Variants in CARMIL3 observed in about 807,000 individuals in gnomAD.
CARMIL3 encodes capping protein, Arp2/3 and myosin-I linker protein 3.
CARMIL3 carries 88 observed loss-of-function variants against 180.8 expected under a neutral mutation model. That is an observed-to-expected ratio of 0.49 (90% CI 0.41 to 0.58). The LOEUF (loss-of-function observed/expected upper bound fraction) is 0.58. CARMIL3 is among the 20% of genes least tolerant of loss of function. The pLI, the probability that CARMIL3 is intolerant of heterozygous loss-of-function variation, is 0.00. For missense variants in CARMIL3, 1,548 were observed against 1,787.0 expected, an observed-to-expected ratio of 0.87 and a Z score of 2.41; for synonymous variants, 696 against 714.5, an observed-to-expected ratio of 0.97 and a Z score of 0.41.
chr14:24,062,618 CAT>C (rs2035743338), intron 28 of CARMIL3, 51 bp downstream of exon 28: 2 of 1,613,424 alleles, frequency 1.2e-6, no homozygotes, highest in Non-Finnish European at 1.7e-6. Flanking sequence ...CTCCACCCCA[CAT>C]TATCCTGTCT....
Position 24,061,588 on chromosome 14 carries a change from T to A in CARMIL3, c.2396T>A (p.Val799Glu). The change falls in exon 27 of 40, where the codon GTG (valine) becomes GAG (glutamate). Residue 799 changes from valine (V) to glutamate (E), a missense_variant. Physicochemically the swap from Val to Glu is moderately radical, Grantham distance 121. Around this residue, in one of 4 missense-constraint regions of CARMIL3, gnomAD observed 297 missense variants for 415.9 expected, o/e 0.71. Coordinates refer to ENST00000342740, the MANE Select transcript of CARMIL3 (RefSeq NM_138360.4). The surrounding 1 kb of genome is among the most constrained non-coding windows in gnomAD (Gnocchi z 4.1). ...AEGHNKMLSN[V>E]AERVTVPRNF... ...GGACACAACAAGATGCTGAGCAATG[T>A]GGCGGAGCGTGTCACTGTGCCCCGG... 1 of 1,614,026 alleles carries A rather than the reference T, an allele frequency of 6.2e-7. No homozygotes were observed. Among genetic ancestry groups the A allele is most frequent in the Non-Finnish European group, 8.5e-7 (1 of 1,179,990 alleles).
rs1006813790 is a variant in CARMIL3, at chr14:24,058,601, G to A, written c.1393-79G>A. ...CTGGCATGACTTTGAGTTCTGGTGT[G>A]ACTACTATATCCTAAGCATTAAAGG... On this transcript the variant is annotated intron_variant, in intron 17 of 39. Coordinates refer to ENST00000342740, the MANE Select transcript of CARMIL3 (RefSeq NM_138360.4). The surrounding 1 kb of genome is among the most constrained non-coding windows in gnomAD (Gnocchi z 6.4). The A allele has an allele frequency of 3.5e-6, 4 of 1,131,166 alleles. No individual in the cohort carries two copies. The highest frequency in any genetic ancestry group is 5.2e-6 in the Non-Finnish European group (4 of 773,442). The allele number at this position is 1,131,166 out of a possible 1,614,324, so 70.1% of individuals were successfully genotyped here.
chr14:24,055,406 C>T (rs1431404127), intron 8 of CARMIL3, 96 bp downstream of exon 8: 1 of 1,500,800 alleles, frequency 6.7e-7, no homozygotes, highest in Non-Finnish European at 9.3e-7. Context: ...ACAGCCCCAG[C>T]TCTATCTCCC....
rs1315151742 is a variant in CARMIL3, at chr14:24,060,054, C to T, written c.1953C>T (p.Val651=). ...GCGCGCCTGAGCGCACCGAGGACGT[C>T]TGGCAGAAGGTGCAGGGTGCTGTCC... The part of the protein sequence containing the change: ...YRSAPERTED[V]WQKIQWCLVR... Residue 651 remains valine, a synonymous_variant, in exon 23 of 40, where the codon GTC becomes GTT. Coordinates refer to ENST00000342740, the MANE Select transcript of CARMIL3 (RefSeq NM_138360.4). 6.2e-7 allele frequency: 1 copy of T among 1,613,976 alleles called. No individual in the cohort carries two copies. The highest frequency in any genetic ancestry group is 1.1e-5 in the South Asian group (1 of 91,092).
chr14:24,053,817 G>T lies in CARMIL3; in HGVS notation c.135+14G>T, dbSNP rs973668124. On this transcript the variant is annotated intron_variant, in intron 2 of 39. Transcript: ENST00000342740. ...GACCGAGTGCTGGTGAGGGCACTGG[G>T]CATGTGGGGAGGGAGGAGGTGGCTG... 2 of 1,603,840 alleles carry T rather than the reference G, an allele frequency of 1.2e-6. No homozygotes were observed. Among genetic ancestry groups the T allele is most frequent in the Non-Finnish European group, 1.7e-6 (2 of 1,173,924 alleles).
At chr14:24,066,750 G>A (rs2035791378) in intron 36 of CARMIL3, 94 bp downstream of exon 36, 2 of 1,290,492 alleles carry the variant, frequency 1.5e-6, no homozygotes, top group Non-Finnish European at 2.2e-6. Flanking sequence ...GGAATTTATG[G>A]CCAAGGTGGG....
chr14:24,056,266 C>T, intron 10 of CARMIL3, 33 bp from the exon 11 acceptor site: 1 of 1,585,870 alleles, frequency 6.3e-7, no homozygotes, highest in East Asian at 2.3e-5. Context: ...TGGGGCTCAG[C>T]TCAGGACAAA....
intron 38 of CARMIL3, 64 bp from the exon 39 acceptor site, chr14:24,069,073 C>CT (rs2035827377): frequency 6.2e-7 from 1 of 1,601,668 alleles, no homozygotes; most frequent in Non-Finnish European, 8.5e-7. Context: ...GGAGTCACAG[C>CT]CTGGATGAGC....
chr14:24,064,808 A>G (rs2035768418), intron 32 of CARMIL3, 150 bp from the exon 33 acceptor site: 1 of 814,916 alleles, frequency 1.2e-6, no homozygotes, highest in Non-Finnish European at 2.0e-6. Context: ...ACAACGGGAC[A>G]GGAAAGGCAA....
chr14:24,064,185 G>T, intron 31 of CARMIL3, 61 bp from the exon 32 acceptor site: 1 of 1,136,984 alleles, frequency 8.8e-7, no homozygotes, highest in Non-Finnish European at 1.3e-6. Context: ...TGCTCTGAGT[G>T]GATGGGAGGT....
At chr14:24,056,155 TG>T in intron 10 of CARMIL3, 143 bp from the exon 11 acceptor site, 1 of 651,640 alleles carries the variant, frequency 1.5e-6, no homozygotes, top group African/African-American at 1.8e-5. Flanking sequence ...ACAAGCTCCC[TG>T]GCAGGCCCTG....
At position 24,065,014 on chromosome 14, in the gene CARMIL3, C is replaced by T; in HGVS notation, c.3137C>T (p.Pro1046Leu). 1 of 1,612,086 alleles carries T rather than the reference C, an allele frequency of 6.2e-7. No individual in the cohort carries two copies. Among genetic ancestry groups the T allele is most frequent in the Non-Finnish European group, 8.5e-7 (1 of 1,179,532 alleles). Residue 1046 changes from proline (P) to leucine (L), a missense_variant, in exon 33 of 40, where the codon CCA becomes CTA. Pro to Leu is a moderately conservative substitution (Grantham distance 98). Transcript: ENST00000342740. ...RPGLSEAPLP[P>L]LQKKRRRGLF... ...GGACTCTCGGAGGCACCGCTGCCTC[C>T]ACTCCAGAAGAAGAGGCGCCGGGGC...
intron 34 of CARMIL3, among the ~76,000 whole-genome samples, chr14:24,066,036 C>T (rs186438711): frequency 3.3e-5 from 5 of 152,174 alleles, no homozygotes; most frequent in Admixed American, 6.5e-5. Flanking sequence ...ATAACCTTTG[C>T]GACTGATTTT....
chr14:24,056,062 C>T (rs1024909803), intron 10 of CARMIL3, among the ~76,000 whole-genome samples: 5 of 152,184 alleles, frequency 3.3e-5, no homozygotes, highest in Non-Finnish European at 7.3e-5. Flanking sequence ...GTGGGCTGCT[C>T]CAGTCTTGAG....
chr14:24,066,359 G>A (rs1298115802), intron 34 of CARMIL3, 39 bp from the exon 35 acceptor site: 2 of 1,608,612 alleles, frequency 1.2e-6, no homozygotes, highest in East Asian at 4.5e-5. Context: ...TCCTGCCACA[G>A]AGGAGACTTT....
rs2035841352 is a variant in CARMIL3 at position 24,069,521 on chromosome 14, C to T, written c.*117C>T. ...CCCCTGTCCTACAGGGGCAAGACGGCAGGACCAGGCATGGGGGAGCTGGAG... is the reference window on the plus strand; with the variant it reads ...CCCCTGTCCTACAGGGGCAAGACGGTAGGACCAGGCATGGGGGAGCTGGAG... On this transcript the variant is annotated 3_prime_UTR_variant, in exon 40 of 40. Transcript: ENST00000342740. The T allele has an allele frequency of 1.5e-6, 2 of 1,353,450 alleles. No individual in the cohort carries two copies. The highest frequency in any genetic ancestry group is 2.1e-6 in the Non-Finnish European group (2 of 974,272). The allele number at this position is 1,353,450 out of a possible 1,614,324, so 83.8% of individuals were successfully genotyped here.
chr14:24,062,449 A>G, intron 27 of CARMIL3, 31 bp from the exon 28 acceptor site: 1 of 1,594,064 alleles, frequency 6.3e-7, no homozygotes, highest in Non-Finnish European at 8.6e-7. Flanking sequence ...TGAGGTGCTA[A>G]TGTTCTGAGT....
In CARMIL3 at chr14:24,054,885, G is replaced by T; in HGVS notation, c.460+77G>T. ...GATCAGAGCCCTTTGTGCACAGGGT[G>T]TTGCCTGGGCGGGCGGGCTTTGCCT... On this transcript the variant is annotated intron_variant, in intron 6 of 39. Coordinates refer to ENST00000342740, the MANE Select transcript of CARMIL3 (RefSeq NM_138360.4). This position sits in a 1 kb window ranked among gnomAD's most constrained non-coding sequence, Gnocchi z 5.1. 6.7e-7 allele frequency: 1 copy of T among 1,490,926 alleles called. No homozygotes were observed. Among genetic ancestry groups the T allele is most frequent in the Non-Finnish European group, 9.3e-7 (1 of 1,079,316 alleles). The allele number at this position is 1,490,926 out of a possible 1,614,324, so 92.4% of individuals were successfully genotyped here. A position where few individuals can be genotyped will look rare whatever the true frequency, so the allele number is the denominator to read the frequency against.
Position 24,056,933 on chromosome 14 carries a change from A to T in CARMIL3, c.971A>T (p.Gln324Leu). The stretch of plus-strand genomic sequence containing the variant: ...TGCTCAGGGCTCCAGGCACTCGGCC[A>T]GACCTTCGGGGCAAACCCAGCATTT... Reference protein sequence around the residue: ...ISPRGLQALGQTFGANPAFAS... With the variant: ...ISPRGLQALGLTFGANPAFAS... The change falls in exon 13 of 40, where the codon CAG (glutamine) becomes CTG (leucine). Residue 324 changes from glutamine (Q) to leucine (L), a missense_variant. Gln to Leu is a moderately radical substitution (Grantham distance 113). This residue lies in a region of CARMIL3 where 578 missense variants were observed against 666.5 expected (regional missense o/e 0.87). Coordinates refer to ENST00000342740, the MANE Select transcript of CARMIL3 (RefSeq NM_138360.4). 1 of 1,614,084 alleles carries T rather than the reference A, an allele frequency of 6.2e-7. No individual in the cohort carries two copies.
Sources: gnomAD v4.1 joint callset for allele counts (sites outside exome capture counted in the v4.1 genomes callset) on GRCh38, gnomAD v4.1.1 for gene constraint, gnomAD v4.1.1 regional missense constraint, Gnocchi (gnomAD v3.1) non-coding constraint, MANE v1.5 for transcripts, NCBI Gene and HGNC (gene_info 2026-07-23, HGNC 2026-07-21) for gene names.